Variants in CROCC observed in about 807,000 individuals in gnomAD.
CROCC encodes rootletin.
In CROCC, 180 loss-of-function variants were observed where a neutral mutation model predicts 245.2. The observed-to-expected ratio is 0.73, with a 90% confidence interval of 0.65 to 0.83. CROCC has a LOEUF of 0.83. Ranked by LOEUF, CROCC falls within the 40% of genes least tolerant of loss-of-function variation. The probability of loss-of-function intolerance (pLI) is 0.00; values close to 1 mark genes in which losing one functional copy is unlikely to be tolerated. For synonymous variants in CROCC, 1,205 were observed against 1,241.6 expected (o/e 0.97, Z 0.62); for missense variants, 2,688 against 2,779.4 (o/e 0.97, Z 0.74).
chr1:16,924,416 G>T lies in CROCC; in HGVS notation c.288G>T (p.Leu96=), dbSNP rs2075483395. The part of the protein sequence containing the change: ...LQQELSRVED[L]LAQSRAERDE... ...AGGAGCTGTCCCGCGTGGAGGACCT[G>T]CTGGCCCAGAGCCGTGCCGAGCGCG... The change falls in exon 3 of 37, where the codon CTG becomes CTT. Residue 96 remains leucine, a synonymous_variant. Coordinates refer to ENST00000375541, the MANE Select transcript of CROCC (RefSeq NM_014675.5). The T allele has an allele frequency of 6.2e-7, 1 of 1,613,344 alleles. No homozygotes were observed. The highest frequency in any genetic ancestry group is 8.5e-7 in the Non-Finnish European group (1 of 1,179,904).
intron 26 of CROCC, among the ~76,000 whole-genome samples, chr1:16,959,971 A>C (rs1010288795): frequency 9.2e-5 from 14 of 151,924 alleles, no homozygotes; most frequent in African/African-American, 3.1e-4. Context: ...AAAAAAAAAA[A>C]CAGAAACAAA....
intron 17 of CROCC, among the ~76,000 whole-genome samples, chr1:16,947,468 C>CAATAATAATAATAATAATAATAAT: frequency 6.8e-6 from 1 of 147,498 alleles, no homozygotes; most frequent in African/African-American, 2.5e-5. Flanking sequence ...GACTCCGTCT[C>CAATAATAATAATAATAATAATAAT]AATAATAATA....
intron 3 of CROCC, among the ~76,000 whole-genome samples, chr1:16,926,530 G>A (rs1426521557): frequency 1.3e-5 from 2 of 152,274 alleles, no homozygotes; most frequent in East Asian, 1.9e-4. Flanking sequence ...TTCCAACCCT[G>A]CAGCACCCCT....
In CROCC at chr1:16,966,378, C is replaced by T; in HGVS notation, c.4697-30C>T. On this transcript the variant is annotated intron_variant, in intron 29 of 36. Coordinates refer to ENST00000375541, the MANE Select transcript of CROCC (RefSeq NM_014675.5). This position sits in a 1 kb window ranked among gnomAD's most constrained non-coding sequence, Gnocchi z 4.8. ...TTTGGGTCTCGGGGCTGTGCTTGGC[C>T]ATGCCTGACGGGGTGGGTGGTGGCT... is the stretch of plus-strand genomic sequence containing the variant. 1 of 1,499,300 alleles carries T rather than the reference C, an allele frequency of 6.7e-7. No homozygotes were observed. The highest frequency in any genetic ancestry group is 8.9e-7 in the Non-Finnish European group (1 of 1,124,102). 92.9% of individuals were successfully genotyped at this position (1,499,300 alleles called of 1,614,324 possible).
At chr1:16,970,189 C>G (rs2076491113) in intron 33 of CROCC, 64 bp from the exon 34 acceptor site, 3 of 1,447,758 alleles carry the variant, frequency 2.1e-6, no homozygotes, top group Non-Finnish European at 2.8e-6. Flanking sequence ...CTCATTGTCC[C>G]CAAGCTTCAG....
At chr1:16,935,257 A>C (rs534020297) in intron 8 of CROCC, among the ~76,000 whole-genome samples, 1 of 152,072 alleles carries the variant, frequency 6.6e-6, no homozygotes, top group African/African-American at 2.4e-5. Flanking sequence ...AAAGCAGATC[A>C]CACACACACA....
chr1:16,914,369 A>G (rs1287023136), intron 1 of CROCC, among the ~76,000 whole-genome samples: 3 of 152,214 alleles, frequency 2.0e-5, no homozygotes, highest in Admixed American at 2.0e-4. Context: ...GGCCGGGGGC[A>G]CGACAGGAGA....
chr1:16,963,832 A>G (rs903978831), intron 27 of CROCC, among the ~76,000 whole-genome samples: 5 of 150,998 alleles, frequency 3.3e-5, no homozygotes, highest in South Asian at 2.1e-4. Flanking sequence ...GTCTCGCTCT[A>G]TTGCCTATGC....
intron 35 of CROCC, chr1:16,971,092 T>C (rs2281376): frequency 0.11 from 46,703 of 443,828 alleles, 3,079 homozygotes; most frequent in South Asian, 0.2. Context: ...TGAATATGTG[T>C]TTGTGTACAG....
chr1:16,970,480 C>A, intron 34 of CROCC, 27 bp downstream of exon 34: 1 of 1,540,038 alleles, frequency 6.5e-7, no homozygotes, highest in Non-Finnish European at 8.8e-7. Flanking sequence ...GCTCTCCCCT[C>A]ACTTCCTCTG....
intron 16 of CROCC, 43 bp downstream of exon 16, chr1:16,946,448 C>T (rs1166183328): frequency 3.8e-6 from 6 of 1,595,648 alleles, no homozygotes; most frequent in Non-Finnish European, 4.3e-6. Flanking sequence ...GCCCACCCAT[C>T]CTCCCCACTC....
chr1:16,955,975 C>T (rs560199729), intron 24 of CROCC, 22 bp from the exon 25 acceptor site: 1 of 1,549,072 alleles, frequency 6.5e-7, no homozygotes, highest in East Asian at 2.4e-5. Flanking sequence ...CCAGGGCAGC[C>T]CCTGACCTCT....
Position 16,954,461 on chromosome 1 carries a change from C to A in CROCC, c.3321+104C>A. The stretch of plus-strand genomic sequence containing the variant: ...CATGGCCCTGTCCTGGAGAAGCTTC[C>A]AGGCTGTGGGAAAGGAGGTTTAGCC... On this transcript the variant is annotated intron_variant, in intron 22 of 36. Transcript: ENST00000375541. The surrounding 1 kb of genome is among the most constrained non-coding windows in gnomAD (Gnocchi z 4.4). 2 of 1,451,246 alleles carry A rather than the reference C, an allele frequency of 1.4e-6. No homozygotes were observed. The highest frequency in any genetic ancestry group is 2.7e-5 in the South Asian group (2 of 73,308). The allele number at this position is 1,451,246 out of a possible 1,614,324, so 89.9% of individuals were successfully genotyped here.
chr1:16,939,654 G>A (rs1284118568), intron 12 of CROCC, among the ~76,000 whole-genome samples: 2 of 152,232 alleles, frequency 1.3e-5, no homozygotes, highest in African/African-American at 4.8e-5. Context: ...GGCATCCGGG[G>A]GGCTTTGATA....
Position 16,951,055 on chromosome 1 carries a change from C to T in CROCC, c.2939C>T (p.Ala980Val), listed in dbSNP as rs1390768336. The change falls in exon 20 of 37, where the codon GCC (alanine) becomes GTC (valine). Residue 980 changes from alanine (A) to valine (V), a missense_variant. Ala to Val is a moderately conservative substitution (Grantham distance 64). Transcript: ENST00000375541. ...AAGCTGGTGCAGGCTGAGCGGGAGG[C>T]CCAGGCCTCTCTGCGGGAGCAGCGG... ...AQKLVQAEREAQASLREQRAA... is the reference protein window; with the variant it reads ...AQKLVQAEREVQASLREQRAA... 2 of 1,606,340 alleles carry T rather than the reference C, an allele frequency of 1.2e-6. No individual in the cohort carries two copies. The highest frequency in any genetic ancestry group is 1.3e-5 in the African/African-American group (1 of 74,690).
chr1:16,946,799 G>T lies in CROCC; in HGVS notation c.2322G>T (p.Arg774=), dbSNP rs1179590097. The T allele has an allele frequency of 5.2e-6, 8 of 1,552,230 alleles. No individual in the cohort carries two copies. Among genetic ancestry groups the T allele is most frequent in the Non-Finnish European group, 7.0e-6 (8 of 1,147,450 alleles). The change falls in exon 17 of 37, where the codon CGG becomes CGT. Residue 774 remains arginine, a synonymous_variant. Coordinates refer to ENST00000375541, the MANE Select transcript of CROCC (RefSeq NM_014675.5). Reference sequence around the variant, plus strand: ...AGTCCGCCCTGCAGGGCCGGCAACGGCAGGCAGAGCAGGAGGCCACAGTGG... The same window carrying T: ...AGTCCGCCCTGCAGGGCCGGCAACGTCAGGCAGAGCAGGAGGCCACAGTGG... ...EEKSALQGRQ[R]QAEQEATVAR...
rs1384613189 is a variant in CROCC at position 16,972,501 on chromosome 1, C to A, written c.*55C>A. The A allele has an allele frequency of 2.5e-5, 30 of 1,204,700 alleles. No homozygotes were observed. Among genetic ancestry groups the A allele is most frequent in the African/African-American group, 5.1e-5 (3 of 59,380 alleles). The allele number at this position is 1,204,700 out of a possible 1,614,324, so 74.6% of individuals were successfully genotyped here. A position where few individuals can be genotyped will look rare whatever the true frequency, so the allele number is the denominator to read the frequency against. ...GTGCCTGGGACAGGGGAGGACCCTT[C>A]TTTTGGACAGCCCCCCCACCCAGAG... On this transcript the variant is annotated 3_prime_UTR_variant, in exon 37 of 37. Transcript: ENST00000375541.
At position 16,972,621 on chromosome 1, in the gene CROCC, C is replaced by T. The variant is rs1319722875; in HGVS notation, c.*175C>T. On this transcript the variant is annotated 3_prime_UTR_variant, in exon 37 of 37. Coordinates refer to ENST00000375541, the MANE Select transcript of CROCC (RefSeq NM_014675.5). Reference sequence around the variant, plus strand: ...TACTCCAGCTCCAGGCCTGGAGAGGCTTCCCAGCAACACCTGCAGTCCAGC... The same window carrying T: ...TACTCCAGCTCCAGGCCTGGAGAGGTTTCCCAGCAACACCTGCAGTCCAGC... 4 of 540,308 alleles carry T rather than the reference C, an allele frequency of 7.4e-6. No individual in the cohort carries two copies. The South Asian group carries it at 1.1e-4, about 14-fold the overall frequency. The allele number at this position is 540,308 out of a possible 1,614,324, so 33.5% of individuals were successfully genotyped here.
intron 20 of CROCC, among the ~76,000 whole-genome samples, chr1:16,952,365 G>T (rs562555742): frequency 3.7e-4 from 56 of 152,066 alleles, no homozygotes; most frequent in African/African-American, 1.3e-3. Flanking sequence ...CGCGCCTGTA[G>T]TCCCAGATAC....
Sources: allele counts gnomAD v4.1 joint callset (sites outside exome capture counted in the v4.1 genomes callset), GRCh38; gene constraint gnomAD v4.1.1; non-coding constraint Gnocchi (gnomAD v3.1); transcripts MANE v1.5; gene names NCBI Gene and HGNC (gene_info 2026-07-23, HGNC 2026-07-21).